CHL1: variants seen among roughly 807,000 people sequenced by gnomAD.
CHL1 encodes the protein cell adhesion molecule L1 like.
A neutral mutation model predicts 141.9 loss-of-function variants in CHL1; 96 were observed. That is an observed-to-expected ratio of 0.68 (90% CI 0.57 to 0.80). The LOEUF (loss-of-function observed/expected upper bound fraction) is 0.80, where lower values mean the gene tolerates loss of function less well. Among genes scored for constraint, CHL1 ranks in the 30% least tolerant of loss-of-function variants. The probability of loss-of-function intolerance (pLI) is 0.00; values close to 1 mark genes in which losing one functional copy is unlikely to be tolerated. For synonymous variants in CHL1, 613 were observed against 502.2 expected (o/e 1.22, Z -2.95); for missense variants, 1,820 against 1,457.2 (o/e 1.25, Z -4.05).
chr3:200,608 C>T (rs1023671119), intron 1 of CHL1, among the ~76,000 whole-genome samples: 2 of 152,144 alleles, frequency 1.3e-5, no homozygotes, highest in African/African-American at 2.4e-5. Context: ...TGAGTGAAAG[C>T]ATAATATTCT....
chr3:286,578 T>G (rs1028243555), intron 2 of CHL1, among the ~76,000 whole-genome samples: 2 of 137,424 alleles, frequency 1.5e-5, no homozygotes, highest in African/African-American at 5.6e-5. Context: ...GCCATTGCAC[T>G]CCAGCCTGGG....
At chr3:338,545 G>A (rs11919384) in intron 5 of CHL1, among the ~76,000 whole-genome samples, 4,902 of 151,994 alleles carry the variant, frequency 0.032, 273 homozygotes, top group African/African-American at 0.11. Context: ...ACTTTTTATC[G>A]TGCCATCAAA....
chr3:276,233 T>C lies in CHL1; in HGVS notation c.-95+31541T>C, dbSNP rs116225420. Among the ~76,000 whole-genome samples, 1,252 of 152,298 alleles carry C rather than the reference T, an allele frequency of 8.2e-3. 16 individuals are homozygous for C. Among genetic ancestry groups the C allele is most frequent in the African/African-American group, 0.029 (1,203 of 41,544 alleles). On this transcript the variant is annotated intron_variant, in intron 2 of 27. Transcript: ENST00000256509. The stretch of plus-strand genomic sequence containing the variant: ...CACCACTATATTAAAAGTATTATAT[T>C]GCACCACCAATCATATTGTATATGA...
chr3:268,539 A>G (rs1695359696), intron 2 of CHL1, among the ~76,000 whole-genome samples: 1 of 152,100 alleles, frequency 6.6e-6, no homozygotes, highest in South Asian at 2.1e-4. Flanking sequence ...CATCTAAAAA[A>G]AATAAAATAA....
At chr3:358,896 T>G (rs1703954870) in intron 11 of CHL1, among the ~76,000 whole-genome samples, 1 of 150,700 alleles carries the variant, frequency 6.6e-6, no homozygotes, top group South Asian at 2.1e-4. Flanking sequence ...TAAAAATTTT[T>G]GCATTTGTGC....
At chr3:333,901 T>A (rs1488500745) in intron 5 of CHL1, among the ~76,000 whole-genome samples, 2 of 152,182 alleles carry the variant, frequency 1.3e-5, no homozygotes, top group Non-Finnish European at 2.9e-5. Flanking sequence ...CCTGGCCTAT[T>A]CCAGCCTAGA....
intron 18 of CHL1, among the ~76,000 whole-genome samples, chr3:383,012 C>T (rs1707250414): frequency 6.6e-6 from 1 of 152,110 alleles, no homozygotes; most frequent in African/African-American, 2.4e-5. Context: ...AATTTTTATG[C>T]ATTCAGTGTC....
At chr3:203,804 TATTGTAGTG>T (rs1239656365) in intron 1 of CHL1, among the ~76,000 whole-genome samples, 2 of 152,176 alleles carry the variant, frequency 1.3e-5, no homozygotes, top group Non-Finnish European at 2.9e-5. Flanking sequence ...CAAGGGAGCC[TATTGTAGTG>T]GTTTGTGGAG....
intron 16 of CHL1, among the ~76,000 whole-genome samples, chr3:380,428 G>C (rs896955731): frequency 1.3e-5 from 2 of 152,146 alleles, no homozygotes; most frequent in Non-Finnish European, 1.5e-5. Flanking sequence ...TCTGCTAAAA[G>C]ATAAAAGTCC....
chr3:390,931 A>G, intron 21 of CHL1, 24 bp from the exon 22 acceptor site: 2 of 1,603,572 alleles, frequency 1.2e-6, no homozygotes, highest in Non-Finnish European at 1.7e-6. Flanking sequence ...TGGATATACT[A>G]AAAGATTTTG....
At chr3:340,970 A>G (rs1702302711) in intron 6 of CHL1, 54 bp downstream of exon 6, 8 of 1,533,668 alleles carry the variant, frequency 5.2e-6, no homozygotes, top group Non-Finnish European at 7.1e-6. Context: ...TCTATCCATC[A>G]TATCAATAAC....
intron 1 of CHL1, among the ~76,000 whole-genome samples, chr3:230,513 T>G (rs1280271036): frequency 6.6e-6 from 1 of 152,120 alleles, no homozygotes; most frequent in Admixed American, 6.6e-5. Context: ...TTTTTTTTTT[T>G]TGACAGAGTG....
At chr3:329,351 G>GC (rs144102443) in intron 5 of CHL1, among the ~76,000 whole-genome samples, 5,453 of 152,038 alleles carry the variant, frequency 0.036, 346 homozygotes, top group African/African-American at 0.12. Flanking sequence ...GTGCAGAATG[G>GC]CCACAAACTT....
At chr3:276,805 C>T (rs1323538246) in intron 2 of CHL1, among the ~76,000 whole-genome samples, 4 of 145,920 alleles carry the variant, frequency 2.7e-5, no homozygotes, top group South Asian at 4.4e-4. Flanking sequence ...AGGAGAATAG[C>T]GTGAACCTGG....
intron 2 of CHL1, among the ~76,000 whole-genome samples, chr3:306,772 A>G (rs1419499701): frequency 6.6e-6 from 1 of 152,202 alleles, no homozygotes; most frequent in African/African-American, 2.4e-5. Context: ...CCAAACCATG[A>G]ACTATTTATC....
chr3:338,069 T>TTA, intron 5 of CHL1, among the ~76,000 whole-genome samples: 1 of 152,276 alleles, frequency 6.6e-6, no homozygotes, highest in East Asian at 1.9e-4. Flanking sequence ...TTTCACCATG[T>TTA]TAGCCAGGAT....
chr3:276,646 T>C (rs1696134499), intron 2 of CHL1, among the ~76,000 whole-genome samples: 1 of 151,640 alleles, frequency 6.6e-6, no homozygotes, highest in Non-Finnish European at 1.5e-5. Flanking sequence ...TCCCAGCACT[T>C]TGGGAGGCCG....
At chr3:200,330 G>A (rs1698802502) in intron 1 of CHL1, among the ~76,000 whole-genome samples, 1 of 152,122 alleles carries the variant, frequency 6.6e-6, no homozygotes, top group Non-Finnish European at 1.5e-5. Context: ...AGATTGGGAG[G>A]TGTTGAGTTC....
chr3:394,096 G>T (rs1293335643), intron 23 of CHL1, among the ~76,000 whole-genome samples: 1 of 152,088 alleles, frequency 6.6e-6, no homozygotes, highest in Non-Finnish European at 1.5e-5. Context: ...TTTGAAAGAA[G>T]CTGTCTATCT....
Sources: gnomAD v4.1 joint callset for allele counts (sites outside exome capture counted in the v4.1 genomes callset) on GRCh38, gnomAD v4.1.1 for gene constraint, MANE v1.5 for transcripts, NCBI Gene and HGNC (gene_info 2026-07-23, HGNC 2026-07-21) for gene names.